The following MROH1 variants were observed in gnomAD, a reference collection of about 807,000 sequenced individuals.
MROH1 encodes maestro heat-like repeat-containing protein family member 1.
Under a neutral mutation model 116.5 loss-of-function variants are expected in MROH1, and 117 were observed. The ratio of observed to expected loss-of-function variants is 1.00; its 90% CI spans 0.86 to 1.17. The LOEUF (loss-of-function observed/expected upper bound fraction) is 1.17. Among genes scored for constraint, MROH1 ranks in the 50% most tolerant of loss-of-function variants. The pLI is 0.00. For synonymous variants in MROH1, 921 were observed against 583.9 expected (o/e 1.58, Z -8.32); for missense variants, 1,873 against 1,338.5 (o/e 1.40, Z -6.23).
chr8:144,248,742 C>A (rs1166041820), intron 31 of MROH1, 135 bp from the exon 32 acceptor site: 1 of 692,426 alleles, frequency 1.4e-6, no homozygotes, highest in East Asian at 2.7e-5. Context: ...GGCGCAGGGC[C>A]CAGCGGCTGG....
At position 144,168,623 on chromosome 8, in the gene MROH1, A is replaced by G. The variant is rs7004109; in HGVS notation, c.168+183A>G. On this transcript the variant is annotated intron_variant, in intron 4 of 43. Coordinates refer to ENST00000326134, the MANE Select transcript of MROH1 (RefSeq NM_032450.3). ...GGGTAACCTGCCTTGTCTCATCATG[A>G]GTGGGGTATGGCCACATCCCCCCAC... Among the ~76,000 whole-genome samples the G allele has an allele frequency of 0.017, 2,531 of 152,184 alleles. 70 individuals carry two copies. The highest frequency in any genetic ancestry group is 0.057 in the African/African-American group (2,377 of 41,492).
intron 12 of MROH1, among the ~76,000 whole-genome samples, chr8:144,219,894 G>A (rs1045253191): frequency 6.6e-6 from 1 of 152,182 alleles, no homozygotes; most frequent in Non-Finnish European, 1.5e-5. Context: ...GCTGTGTCTA[G>A]CTCTGCCATT....
intron 32 of MROH1, among the ~76,000 whole-genome samples, chr8:144,249,252 T>C (rs902152851): frequency 6.4e-4 from 97 of 152,256 alleles, no homozygotes; most frequent in African/African-American, 2.2e-3. Flanking sequence ...TGGAGAAATC[T>C]TTCTCTTATG....
intron 9 of MROH1, among the ~76,000 whole-genome samples, 168 bp from the exon 10 acceptor site, chr8:144,192,141 C>CT (rs751280272): frequency 1.3e-5 from 2 of 152,202 alleles, no homozygotes; most frequent in Non-Finnish European, 2.9e-5. Flanking sequence ...CTCCCTGGCT[C>CT]TGAGTTCTAG....
rs543513553 is a variant in MROH1 at position 144,201,065 on chromosome 8, AT to A, written c.1141+538del. The A allele has an allele frequency of 2.5e-3, 362 of 144,936 alleles. 1 individual carries two copies. Among genetic ancestry groups the A allele is most frequent in the Middle Eastern group, 0.011 (3 of 282 alleles). The allele number at this position is 144,936 out of a possible 1,614,324, so 9.0% of individuals were successfully genotyped here. ...TTCACGTTTCCTTGTTTTAAGGCTA[AT>A]TTTTTTTTTTTTTAGTGGTCTTGCT... On this transcript the variant is annotated intron_variant, in intron 12 of 43. Coordinates refer to ENST00000326134, the MANE Select transcript of MROH1 (RefSeq NM_032450.3).
intron 12 of MROH1, among the ~76,000 whole-genome samples, chr8:144,203,437 GGGAGGGGAGCGCCCCCTCT>G (rs1832108441): frequency 6.6e-6 from 1 of 151,242 alleles, no homozygotes; most frequent in African/African-American, 2.4e-5. Context: ...TGGAGGGGTT[GGGAGGGGAGCGCCCCCTCT>G]GGAGGGGAAG....
Position 144,182,820 on chromosome 8 carries a change from T to C in MROH1, c.562+2297T>C, listed in dbSNP as rs1041520140. Among the ~76,000 whole-genome samples the C allele has an allele frequency of 4.6e-5, 7 of 152,180 alleles. No homozygotes were observed. The highest frequency in any genetic ancestry group is 8.8e-5 in the Non-Finnish European group (6 of 68,040). The stretch of plus-strand genomic sequence containing the variant: ...GGCCGGGTGCGGTGGCTCATGCCTG[T>C]AATCCCAGCACTTTGGAAAGCCGAA... On this transcript the variant is annotated intron_variant, in intron 7 of 43. Transcript: ENST00000326134. The surrounding 1 kb of genome is among the most constrained non-coding windows in gnomAD (Gnocchi z 4.1).
rs1179122794 is a variant in MROH1 at position 144,242,694 on chromosome 8, G to C, written c.2352+66G>C. On this transcript the variant is annotated intron_variant, in intron 24 of 43. Transcript: ENST00000326134. ...CTCTCGGCTCTCCTCTGGGCGGGTT[G>C]AGCTTCATAGGCAGAGGCCGGAGGG... 4.0e-6 allele frequency: 3 copies of C among 750,674 alleles called. No individual in the cohort carries two copies. In the African/African-American group the frequency reaches 5.1e-5, roughly 13 times the overall value. 46.5% of individuals were successfully genotyped at this position (750,674 alleles called of 1,614,324 possible).
intron 29 of MROH1, 23 bp downstream of exon 29, chr8:144,245,283 C>A: frequency 2.6e-6 from 2 of 773,704 alleles, no homozygotes; most frequent in Non-Finnish European, 2.4e-6. Flanking sequence ...GTCCCTGGCC[C>A]GGGTGCTGCT....
At chr8:144,191,922 C>T (rs557657365) in intron 9 of MROH1, 67 bp downstream of exon 9, 61 of 1,579,376 alleles carry the variant, frequency 3.9e-5, no homozygotes, top group East Asian at 1.3e-4. Flanking sequence ...CGGGGGTGGC[C>T]GTGAGTCCTC....
At chr8:144,258,982 T>C (rs2129948331) in intron 36 of MROH1, 68 bp downstream of exon 36, 2 of 668,960 alleles carry the variant, frequency 3.0e-6, no homozygotes, top group Non-Finnish European at 5.5e-6. Context: ...GCCCAGAACA[T>C]GACAGGATCA....
At chr8:144,234,891 CTTTT>C (rs781998549) in intron 14 of MROH1, among the ~76,000 whole-genome samples, 1 of 103,562 alleles carries the variant, frequency 9.7e-6, no homozygotes, top group Non-Finnish European at 1.8e-5. Context: ...CTTTTTCTTT[CTTTT>C]TTTTTTTTTT....
chr8:144,223,114 C>CG lies in MROH1; in HGVS notation c.1225dup (p.Ala409GlyfsTer7), dbSNP rs1837139152. 5.0e-6 allele frequency: 8 copies of CG among 1,613,214 alleles called. No homozygotes were observed. In the East Asian group the frequency reaches 1.8e-4, roughly 36 times the overall value. On this transcript the variant is annotated frameshift_variant, in exon 14 of 44. Transcript: ENST00000326134. LOFTEE classifies it high-confidence loss of function. ...CCATTTGTTCTCTGGGCAGGTGAAG[C>CG]GGGCAGTGGTGCAGGTGATTAGCGC...
At chr8:144,240,319 G>A (rs1840748878) in intron 19 of MROH1, among the ~76,000 whole-genome samples, 166 bp downstream of exon 19, 1 of 152,150 alleles carries the variant, frequency 6.6e-6, no homozygotes, top group Admixed American at 6.5e-5. Flanking sequence ...GCCTTGCAGC[G>A]GGGGCCTTGC....
At chr8:144,193,907 CCAAGACCGTGCTTTT>C (rs1427907784) in intron 10 of MROH1, among the ~76,000 whole-genome samples, 1 of 152,046 alleles carries the variant, frequency 6.6e-6, no homozygotes, top group Admixed American at 6.6e-5. Context: ...CGGAGCCCAG[CCAAGACCGTGCTTTT>C]CAAAACACCT....
chr8:144,201,771 G>T (rs191818188), intron 12 of MROH1, among the ~76,000 whole-genome samples: 1,554 of 152,140 alleles, frequency 0.01, 17 homozygotes, highest in African/African-American at 0.036. Context: ...CCAGCACTTT[G>T]GGAGGCCATG....
intron 12 of MROH1, among the ~76,000 whole-genome samples, chr8:144,207,407 TG>T (rs1390758298): frequency 3.9e-5 from 6 of 151,990 alleles, no homozygotes; most frequent in Admixed American, 6.6e-5. Flanking sequence ...AGGATGGTCT[TG>T]ATCTTCTGAC....
At chr8:144,242,193 G>A in intron 22 of MROH1, 176 bp from the exon 23 acceptor site, 2 of 700,728 alleles carry the variant, frequency 2.9e-6, no homozygotes, top group Non-Finnish European at 5.2e-6. Context: ...CTTGCAAAGA[G>A]GCTCTCCCCA....
intron 34 of MROH1, 65 bp from the exon 35 acceptor site, chr8:144,255,444 G>A: frequency 1.3e-6 from 1 of 750,802 alleles, no homozygotes; most frequent in South Asian, 1.4e-5. Flanking sequence ...AGTCTCATTG[G>A]GTGCAGGGCT....
Sources: gnomAD v4.1 joint callset for allele counts (sites outside exome capture counted in the v4.1 genomes callset) on GRCh38, gnomAD v4.1.1 for gene constraint, Gnocchi (gnomAD v3.1) non-coding constraint, MANE v1.5 for transcripts, NCBI Gene and HGNC (gene_info 2026-07-23, HGNC 2026-07-21) for gene names.